ASAP3: variants seen among roughly 807,000 people sequenced by gnomAD.
The protein encoded by ASAP3 is ArfGAP with SH3 domain, ankyrin repeat and PH domain 3, also known as arf-GAP with SH3 domain, ANK repeat and PH domain-containing protein 3.
ASAP3 carries 85 observed loss-of-function variants against 118.2 expected under a neutral mutation model. The observed-to-expected ratio is 0.72, with a 90% confidence interval of 0.60 to 0.86. ASAP3 has a LOEUF of 0.86. Among genes scored for constraint, ASAP3 ranks in the 40% least tolerant of loss-of-function variants. The pLI is 0.00. For missense variants in ASAP3, 1,026 were observed against 1,175.0 expected (o/e 0.87, Z 1.85); for synonymous variants, 432 against 477.4 (o/e 0.90, Z 1.24).
chr1:23,430,009 T>G lies in ASAP3; in HGVS notation c.2638-79A>C, dbSNP rs1640368101. ...TGTTCATCTCACTCAGTTTCACATC[T>G]GTCCTATTGTAGATAAATTAAATTA... On this transcript the variant is annotated intron_variant, in intron 24 of 24. Transcript: ENST00000336689. 7.7e-5 allele frequency: 90 copies of G among 1,161,802 alleles called. 6 individuals are homozygous for G. In the South Asian group the frequency reaches 1.2e-3, roughly 16 times the overall value. The allele number at this position is 1,161,802 out of a possible 1,614,324, so 72.0% of individuals were successfully genotyped here.
In ASAP3 at chr1:23,433,482, G is replaced by A. The variant is rs749424686; in HGVS notation, c.2070C>T (p.Tyr690=). Residue 690 remains tyrosine (Y), a synonymous_variant, in exon 21 of 25, where the codon TAC becomes TAT. Coordinates refer to ENST00000336689, the MANE Select transcript of ASAP3 (RefSeq NM_017707.4). ...CAGGCTCTGTGGAAATTACCCAGGA[G>A]TAGTCCACATGTAGAGGGAAGGCAA... is the stretch of plus-strand genomic sequence containing the variant. ...GTFAFPLHVD[Y]SWVISTEPGS... is the part of the protein sequence containing the mutation. The A allele has an allele frequency of 6.2e-7, 1 of 1,614,210 alleles. No homozygotes were observed. The highest frequency in any genetic ancestry group is 8.5e-7 in the Non-Finnish European group (1 of 1,180,044).
intron 24 of ASAP3, 127 bp downstream of exon 24, chr1:23,430,908 G>T: frequency 1.1e-6 from 1 of 898,442 alleles, no homozygotes; most frequent in Non-Finnish European, 1.6e-6. Context: ...TCCAAACTGT[G>T]GCTGCCTGGG....
intron 1 of ASAP3, among the ~76,000 whole-genome samples, chr1:23,465,540 C>T (rs1462465808): frequency 6.6e-6 from 1 of 151,544 alleles, no homozygotes; most frequent in African/African-American, 2.4e-5. Flanking sequence ...CTCTCACTCT[C>T]GCCCAGGCTA....
At chr1:23,442,120 C>T in intron 7 of ASAP3, 66 bp downstream of exon 7, 1 of 1,496,874 alleles carries the variant, frequency 6.7e-7, no homozygotes, top group South Asian at 1.2e-5. Flanking sequence ...GTCTATCACA[C>T]CTTGAGAGGG....
At chr1:23,431,213 G>T in intron 23 of ASAP3, 88 bp from the exon 24 acceptor site, 3 of 1,389,060 alleles carry the variant, frequency 2.2e-6, no homozygotes, top group South Asian at 2.5e-5. Context: ...GAGCCAGTCT[G>T]GGGGCTTAGG....
intron 22 of ASAP3, among the ~76,000 whole-genome samples, chr1:23,432,208 TG>T (rs2148600521): frequency 6.6e-6 from 1 of 152,198 alleles, no homozygotes; most frequent in South Asian, 2.1e-4. Flanking sequence ...GGTTTCACCA[TG>T]TTGGCTGGGC....
chr1:23,482,811 G>A (rs1033955797), intron 1 of ASAP3, among the ~76,000 whole-genome samples: 1 of 152,154 alleles, frequency 6.6e-6, no homozygotes, highest in African/African-American at 2.4e-5. Flanking sequence ...AATTAGCCAG[G>A]CGTAGTGGCG....
chr1:23,469,119 A>C (rs1035107082), intron 1 of ASAP3, among the ~76,000 whole-genome samples: 1 of 152,016 alleles, frequency 6.6e-6, no homozygotes, highest in Non-Finnish European at 1.5e-5. Flanking sequence ...AGCCTGGGCA[A>C]CATGGCGAAA....
rs57655847 is a variant in ASAP3 at position 23,464,659 on chromosome 1, T to TAAAAAA, written c.130-8471_130-8466dup. 1.5e-3 allele frequency among the ~76,000 whole-genome samples: 70 copies of TAAAAAA among 47,098 alleles called. 2 individuals are homozygous for TAAAAAA. The highest frequency in any genetic ancestry group is 6.6e-3 in the African/African-American group (65 of 9,786). 30.9% of individuals were successfully genotyped at this position (47,098 alleles called of 152,430 possible). A position where few individuals can be genotyped will look rare whatever the true frequency, so the allele number is the denominator to read the frequency against. ...TGAGTGACAGAATGAGACACTGTCT[T>TAAAAAA]AAAAAAAAAAAAAAAAAAAAAAAAA... On this transcript the variant is annotated intron_variant, in intron 1 of 24. Transcript: ENST00000336689.
Position 23,433,640 on chromosome 1 carries a change from C to T in ASAP3, c.2005G>A (p.Glu669Lys), listed in dbSNP as rs138556791. The T allele has an allele frequency of 7.2e-5, 117 of 1,614,126 alleles. No individual in the cohort carries two copies. In the African/African-American group the frequency reaches 1.4e-3, roughly 19 times the overall value. Residue 669 changes from glutamate (E) to lysine (K), a missense_variant, in exon 20 of 25, where the codon GAG becomes AAG. Transcript: ENST00000336689. ...CGAGTCCTCACCAGCTCCTCACACTCCTTGTGGTGCTTCTTCCTGGCTATG... is the reference window on the plus strand; with the variant it reads ...CGAGTCCTCACCAGCTCCTCACACTTCTTGTGGTGCTTCTTCCTGGCTATG... The part of the protein sequence containing the change: ...LDIARKKHHK[E>K]CEELLEQAQA...
At position 23,442,503 on chromosome 1, in the gene ASAP3, C is replaced by G. The variant is rs1425586324; in HGVS notation, c.583G>C (p.Glu195Gln). 6.2e-7 allele frequency: 1 copy of G among 1,613,388 alleles called. No individual in the cohort carries two copies. The highest frequency in any genetic ancestry group is 1.3e-5 in the African/African-American group (1 of 74,902). ...CCCTCATCCAGAGCACCCCTTACCT[C>G]ACACATGTGCAGCTGGAAGATGCGC... ...ERRIFQLHMCEYLLKAGESQM... is the reference protein window; with the variant it reads ...ERRIFQLHMCQYLLKAGESQM... Residue 195 changes from glutamate (E) to glutamine (Q), a missense_variant and splice_region_variant, in exon 6 of 25, where the codon GAG becomes CAG. Coordinates refer to ENST00000336689, the MANE Select transcript of ASAP3 (RefSeq NM_017707.4).
In ASAP3 at chr1:23,438,597, C is replaced by T; in HGVS notation, c.1102+150G>A. ...TTAATGTGATGTGGGTATCCTAGACCTAAGGATTCTTATGTCTGCAGTAGC... is the reference window on the plus strand; with the variant it reads ...TTAATGTGATGTGGGTATCCTAGACTTAAGGATTCTTATGTCTGCAGTAGC... On this transcript the variant is annotated intron_variant, in intron 12 of 24. Coordinates refer to ENST00000336689, the MANE Select transcript of ASAP3 (RefSeq NM_017707.4). The surrounding 1 kb of genome is among the most constrained non-coding windows in gnomAD (Gnocchi z 4.9). The T allele has an allele frequency of 3.1e-6, 2 of 636,672 alleles. No individual in the cohort carries two copies. Among genetic ancestry groups the T allele is most frequent in the East Asian group, 2.8e-5 (1 of 35,922 alleles). 39.4% of individuals were successfully genotyped at this position (636,672 alleles called of 1,614,324 possible).
chr1:23,484,258 GC>G (rs1208471796), upstream of ASAP3: 11 of 882,878 alleles, frequency 1.2e-5, no homozygotes, highest in Non-Finnish European at 4.2e-6. Flanking sequence ...CCCTCCGCAC[GC>G]CCCGCCCCCG....
chr1:23,430,658 C>T (rs1379742530), intron 24 of ASAP3, among the ~76,000 whole-genome samples: 5 of 152,218 alleles, frequency 3.3e-5, no homozygotes, highest in African/African-American at 1.2e-4. Context: ...CTTTCCTCAT[C>T]CTCCCCTGGG....
chr1:23,460,380 C>T (rs756632154), intron 1 of ASAP3, among the ~76,000 whole-genome samples: 5 of 151,720 alleles, frequency 3.3e-5, no homozygotes, highest in Non-Finnish European at 5.9e-5. Flanking sequence ...GGTGGCACAC[C>T]GCTGTAGTCC....
Position 23,437,468 on chromosome 1 carries a change from G to A in ASAP3, c.1107C>T (p.Asn369=). ...EKKCFDLVTH[N]RTYHFQAEDE... ...CCTCTGCCTGAAAGTGGTACGTCCG[G>A]TTGTCTGTCGGGAGAGAAGGGGGCT... Residue 369 remains asparagine (N), a synonymous_variant, in exon 13 of 25, where the codon AAC becomes AAT. Transcript: ENST00000336689. This position sits in a 1 kb window ranked among gnomAD's most constrained non-coding sequence, Gnocchi z 6.1. 1 of 1,614,130 alleles carries A rather than the reference G, an allele frequency of 6.2e-7. No homozygotes were observed. Among genetic ancestry groups the A allele is most frequent in the South Asian group, 1.1e-5 (1 of 91,082 alleles).
At chr1:23,441,503 C>T in intron 8 of ASAP3, 30 bp from the exon 9 acceptor site, 1 of 1,612,522 alleles carries the variant, frequency 6.2e-7, no homozygotes, top group Non-Finnish European at 8.5e-7. Flanking sequence ...ATCCCATCAC[C>T]AGCCAACAAA....
In ASAP3 at chr1:23,456,003, A is replaced by G; in HGVS notation, c.226T>C (p.Tyr76His). ...CCTAAGGATTCCACGGCCTCTCGGT[A>G]CTGCTCTTCATTCTCCACATGGCCT... ...GLGHVENEEQYREAVESLGNS... is the reference protein window; with the variant it reads ...GLGHVENEEQHREAVESLGNS... Residue 76 changes from tyrosine to histidine, a missense_variant, in exon 3 of 25, where the codon TAC becomes CAC. By Grantham distance (83) the Tyr-to-His change is moderately conservative. Transcript: ENST00000336689. The G allele has an allele frequency of 6.2e-7, 1 of 1,614,108 alleles. No individual in the cohort carries two copies. The highest frequency in any genetic ancestry group is 8.5e-7 in the Non-Finnish European group (1 of 1,180,018).
chr1:23,468,927 A>C (rs1334539009), intron 1 of ASAP3, among the ~76,000 whole-genome samples: 2 of 151,430 alleles, frequency 1.3e-5, no homozygotes, highest in Non-Finnish European at 2.9e-5. Flanking sequence ...AGTTACACTT[A>C]AAATATTTAA....
Sources: allele counts gnomAD v4.1 joint callset (sites outside exome capture counted in the v4.1 genomes callset), GRCh38; gene constraint gnomAD v4.1.1; non-coding constraint Gnocchi (gnomAD v3.1); transcripts MANE v1.5; gene names NCBI Gene and HGNC (gene_info 2026-07-23, HGNC 2026-07-21).